The following EPS15 variants were observed in gnomAD, a reference collection of about 807,000 sequenced individuals.
EPS15 encodes epidermal growth factor receptor substrate 15.
EPS15 carries 72 observed loss-of-function variants against 113.8 expected under a neutral mutation model. The ratio of observed to expected loss-of-function variants is 0.63; its 90% confidence interval spans 0.52 to 0.77. The LOEUF (loss-of-function observed/expected upper bound fraction) is 0.77. Among genes scored for constraint, EPS15 ranks in the 30% least tolerant of loss-of-function variants. The pLI is 0.00. For synonymous variants in EPS15, 344 were observed against 363.4 expected (o/e 0.95, Z 0.61); for missense variants, 1,048 against 1,045.8 (o/e 1.00, Z -0.03).
At chr1:51,448,806 T>A (rs190295305) in intron 8 of EPS15, among the ~76,000 whole-genome samples, 76 of 152,120 alleles carry the variant, frequency 5.0e-4, no homozygotes, top group Admixed American at 1.2e-3. Flanking sequence ...ATCAAAAAAA[T>A]AAATAAATAA....
At chr1:51,478,446 C>T (rs1180811581) in intron 2 of EPS15, among the ~76,000 whole-genome samples, 6 of 151,844 alleles carry the variant, frequency 4.0e-5, no homozygotes, top group South Asian at 4.2e-4. Context: ...GAGCATTTAG[C>T]CCATTTACAT....
At chr1:51,387,678 T>C (rs1381525950) in intron 21 of EPS15, among the ~76,000 whole-genome samples, 1 of 152,078 alleles carries the variant, frequency 6.6e-6, no homozygotes, top group African/African-American at 2.4e-5. Context: ...TCTTAGTCTC[T>C]GATAAAACAG....
chr1:51,481,444 A>G (rs2148523182), intron 1 of EPS15, 130 bp from the exon 2 acceptor site: 1 of 609,620 alleles, frequency 1.6e-6, no homozygotes, highest in Non-Finnish European at 2.9e-6. Flanking sequence ...CAGGGGTTAG[A>G]TTTTGTTTCT....
intron 21 of EPS15, among the ~76,000 whole-genome samples, chr1:51,385,966 T>C (rs941719021): frequency 1.1e-4 from 16 of 152,172 alleles, no homozygotes; most frequent in Non-Finnish European, 1.5e-4. Flanking sequence ...GTGGTGATGA[T>C]TGCACAACAA....
intron 8 of EPS15, among the ~76,000 whole-genome samples, chr1:51,451,258 G>A (rs976589210): frequency 4.6e-5 from 7 of 151,854 alleles, no homozygotes; most frequent in African/African-American, 1.7e-4. Context: ...GGAGGCTGAG[G>A]TGGGTGGATC....
intron 12 of EPS15, among the ~76,000 whole-genome samples, chr1:51,436,204 A>G (rs17106566): frequency 0.019 from 2,850 of 152,326 alleles, 91 homozygotes; most frequent in African/African-American, 0.066. Flanking sequence ...ACCATGAAGG[A>G]AGAGCCTTTA....
Position 51,440,426 on chromosome 1 carries a change from T to C in EPS15, c.961A>G (p.Ile321Val). 1 of 1,558,694 alleles carries C rather than the reference T, an allele frequency of 6.4e-7. No homozygotes were observed. The highest frequency in any genetic ancestry group is 8.8e-7 in the Non-Finnish European group (1 of 1,142,344). Residue 321 changes from isoleucine (I) to valine (V), a missense_variant, in exon 12 of 25, where the codon ATA becomes GTA. Coordinates refer to ENST00000371733, the MANE Select transcript of EPS15 (RefSeq NM_001981.3). ...SDRASLQKNI[I>V]GSSPVADFSA... ...AAATCTGCAACAGGACTTGATCCTA[T>C]GATGTTCTAAAAACAAAAAGTTCAC...
chr1:51,436,709 T>C (rs72696118), intron 12 of EPS15, among the ~76,000 whole-genome samples: 2,931 of 152,054 alleles, frequency 0.019, 47 homozygotes, highest in Non-Finnish European at 0.031. Flanking sequence ...AGAAGTTGAT[T>C]AGACAAAAGA....
At chr1:51,519,146 TG>T in intron 1 of EPS15, 52 bp downstream of exon 1, 4 of 1,303,938 alleles carry the variant, frequency 3.1e-6, no homozygotes, top group African/African-American at 1.5e-5. Flanking sequence ...CTGAGGGCGG[TG>T]GGGGAGGGGG....
At chr1:51,423,610 A>G in intron 12 of EPS15, 1 of 985,418 alleles carries the variant, frequency 1.0e-6, no homozygotes, top group Middle Eastern at 5.2e-4. Flanking sequence ...AATAACAAAA[A>G]TAGAAAACAC....
At chr1:51,398,915 A>C (rs1648233199) in intron 20 of EPS15, 117 bp downstream of exon 20, 1 of 880,006 alleles carries the variant, frequency 1.1e-6, no homozygotes, top group Non-Finnish European at 1.7e-6. Flanking sequence ...TGAAATTCTT[A>C]TATGGTCCAT....
In EPS15 at chr1:51,505,453, A is replaced by G. The variant is rs1194062220; in HGVS notation, c.33+13746T>C. ...ATGTATTATATTATTCCATTCATACAAAGTCCAGAATAACAAACTCTATAG... is the reference window on the plus strand; with the variant it reads ...ATGTATTATATTATTCCATTCATACGAAGTCCAGAATAACAAACTCTATAG... On this transcript the variant is annotated intron_variant, in intron 1 of 24. Coordinates refer to ENST00000371733, the MANE Select transcript of EPS15 (RefSeq NM_001981.3). 4.6e-5 allele frequency among the ~76,000 whole-genome samples: 7 copies of G among 152,368 alleles called. No individual in the cohort carries two copies. In the South Asian group the frequency reaches 1.0e-3, roughly 23 times the overall value.
At chr1:51,468,441 A>G in intron 5 of EPS15, 32 bp downstream of exon 5, 1 of 1,401,458 alleles carries the variant, frequency 7.1e-7, no homozygotes, top group Non-Finnish European at 1.0e-6. Context: ...TTTAAAAATT[A>G]AATACAATTT....
rs989885203 is a variant in EPS15 at position 51,355,256 on chromosome 1, T to C, written c.*1444A>G. On this transcript the variant is annotated 3_prime_UTR_variant, in exon 25 of 25. Transcript: ENST00000371733. ...AAGAAATGAATTGGATATTTTGGAA[T>C]TTATTTATAGGCTAGGCAATAAGTT... 1.4e-5 allele frequency: 3 copies of C among 219,694 alleles called. No homozygotes were observed. Among genetic ancestry groups the C allele is most frequent in the African/African-American group, 4.5e-5 (2 of 44,550 alleles). 13.6% of individuals were successfully genotyped at this position (219,694 alleles called of 1,614,324 possible). A position where few individuals can be genotyped will look rare whatever the true frequency, so the allele number is the denominator to read the frequency against.
At chr1:51,484,542 C>G (rs1166437649) in intron 1 of EPS15, among the ~76,000 whole-genome samples, 1 of 152,076 alleles carries the variant, frequency 6.6e-6, no homozygotes, top group Non-Finnish European at 1.5e-5. Flanking sequence ...AAGTTATCAA[C>G]TAGTAGTCTA....
chr1:51,484,121 G>C (rs1342274921), intron 1 of EPS15, among the ~76,000 whole-genome samples: 1 of 151,976 alleles, frequency 6.6e-6, no homozygotes, highest in Non-Finnish European at 1.5e-5. Context: ...TCAAAAAAAA[G>C]TCAGAGTCAG....
intron 2 of EPS15, among the ~76,000 whole-genome samples, chr1:51,476,095 A>G (rs1557506160): frequency 6.6e-6 from 1 of 152,164 alleles, no homozygotes; most frequent in Non-Finnish European, 1.5e-5. Flanking sequence ...CTTGTAGCAT[A>G]GTTTGAAGTC....
chr1:51,395,522 A>G (rs1647844526), intron 20 of EPS15, among the ~76,000 whole-genome samples: 1 of 148,080 alleles, frequency 6.8e-6, no homozygotes, highest in African/African-American at 2.4e-5. Context: ...ACATACACAC[A>G]TACACACACA....
intron 9 of EPS15, 161 bp downstream of exon 9, chr1:51,447,885 T>C: frequency 1.4e-6 from 1 of 715,704 alleles, no homozygotes; most frequent in Non-Finnish European, 1.7e-6. Context: ...AACTGTTAAA[T>C]GCCATGTACT....
Sources: gnomAD v4.1 joint callset for allele counts (sites outside exome capture counted in the v4.1 genomes callset) on GRCh38, gnomAD v4.1.1 for gene constraint, MANE v1.5 for transcripts, NCBI Gene and HGNC (gene_info 2026-07-23, HGNC 2026-07-21) for gene names.